Variants in TBC1D9B observed in about 807,000 individuals in gnomAD.
TBC1D9B encodes the protein TBC1 domain family member 9B, also known as TBC1 domain family, member 9B (with GRAM domain).
A neutral mutation model predicts 121.1 loss-of-function variants in TBC1D9B; 87 were observed. The ratio of observed to expected loss-of-function variants is 0.72; its 90% CI spans 0.60 to 0.86. The LOEUF (loss-of-function observed/expected upper bound fraction) is 0.86, where lower values mean the gene tolerates loss of function less well. Among genes scored for constraint, TBC1D9B ranks in the 40% least tolerant of loss-of-function variants. The pLI is 0.00. For missense variants in TBC1D9B, 1,540 were observed against 1,628.6 expected (o/e 0.95, Z 0.94); for synonymous variants, 668 against 670.1 (o/e 1.00, Z 0.05).
chr5:179,872,182 TG>T (rs1464761416), intron 14 of TBC1D9B: 1 of 155,258 alleles, frequency 6.4e-6, no homozygotes, highest in African/African-American at 2.4e-5. Context: ...AGGATGGGCG[TG>T]GGGGAGCCTC....
chr5:179,871,590 G>T, intron 14 of TBC1D9B, 60 bp from the exon 15 acceptor site: 1 of 1,568,776 alleles, frequency 6.4e-7, no homozygotes, highest in East Asian at 2.3e-5. Context: ...ACAGAAGTAC[G>T]GCACTCTGTG....
chr5:179,891,268 C>T lies in TBC1D9B; in HGVS notation c.1044+111G>A, dbSNP rs754478014. The T allele has an allele frequency of 4.9e-4, 628 of 1,278,246 alleles. 1 individual carries two copies. Among genetic ancestry groups the T allele is most frequent in the Non-Finnish European group, 6.8e-4 (618 of 902,194 alleles). 79.2% of individuals were successfully genotyped at this position (1,278,246 alleles called of 1,614,324 possible). ...CATGTGACTGCCTGGGCTAGGGCAT[C>T]CTCCCAGGTACCCCCCAGTGAGACA... is the stretch of plus-strand genomic sequence containing the variant. On this transcript the variant is annotated intron_variant, in intron 6 of 20. Coordinates refer to ENST00000355235, the MANE Select transcript of TBC1D9B (RefSeq NM_015043.4). The surrounding 1 kb of genome is among the most constrained non-coding windows in gnomAD (Gnocchi z 4.3).
intron 14 of TBC1D9B, 41 bp from the exon 15 acceptor site, chr5:179,871,571 G>A (rs1198778138): frequency 6.2e-7 from 1 of 1,600,660 alleles, no homozygotes; most frequent in South Asian, 1.1e-5. Context: ...TGGATCACAA[G>A]CTCCTGGCAC....
chr5:179,869,847 C>A lies in TBC1D9B; in HGVS notation c.2726-13G>T. Reference sequence around the variant, plus strand: ...TGGTACATCCCGCCTGTGGAGAAGGCCAGGGAGGGCTGGGTCTGGCAACAT... The same window carrying A: ...TGGTACATCCCGCCTGTGGAGAAGGACAGGGAGGGCTGGGTCTGGCAACAT... On this transcript the variant is annotated splice_polypyrimidine_tract_variant and intron_variant, in intron 16 of 20. Coordinates refer to ENST00000355235, the MANE Select transcript of TBC1D9B (RefSeq NM_015043.4). 3 of 1,537,990 alleles carry A rather than the reference C, an allele frequency of 2.0e-6. No individual in the cohort carries two copies. The highest frequency in any genetic ancestry group is 1.3e-5 in the South Asian group (1 of 77,988).
At position 179,891,460 on chromosome 5, in the gene TBC1D9B, G is replaced by A. The variant is rs1760859923; in HGVS notation, c.963C>T (p.Gly321=). The part of the protein sequence containing the change: ...WTPFNKLHIP[G]QMFISNNYIC... The stretch of plus-strand genomic sequence containing the variant: ...TGTAGTTGTTGGAGATGAACATCTG[G>A]CCAGGGATGTGCAGCTTGTTGAACG... The change falls in exon 6 of 21, where the codon GGC becomes GGT. Residue 321 remains glycine, a synonymous_variant. Coordinates refer to ENST00000355235, the MANE Select transcript of TBC1D9B (RefSeq NM_015043.4). This position sits in a 1 kb window ranked among gnomAD's most constrained non-coding sequence, Gnocchi z 4.3. 6 of 1,614,112 alleles carry A rather than the reference G, an allele frequency of 3.7e-6. No individual in the cohort carries two copies. The highest frequency in any genetic ancestry group is 5.1e-6 in the Non-Finnish European group (6 of 1,180,044).
In TBC1D9B at chr5:179,865,283, T is replaced by C. The variant is rs1298614639; in HGVS notation, c.2992A>G (p.Thr998Ala). 1.2e-6 allele frequency: 2 copies of C among 1,614,112 alleles called. No individual in the cohort carries two copies. The highest frequency in any genetic ancestry group is 1.7e-6 in the Non-Finnish European group (2 of 1,180,016). Residue 998 changes from threonine (T) to alanine (A), a missense_variant, in exon 20 of 21, where the codon ACG becomes GCG. By Grantham distance (58) the Thr-to-Ala change is moderately conservative. Transcript: ENST00000355235. This position sits in a 1 kb window ranked among gnomAD's most constrained non-coding sequence, Gnocchi z 5.1. ...WAKEKEAQKE[T>A]IKDLPKMNQE... ...TTCATCTTGGGAAGATCCTTAATCGTCTCCTTCTGAGCCTCTTTCTCCTTG... is the reference window on the plus strand; with the variant it reads ...TTCATCTTGGGAAGATCCTTAATCGCCTCCTTCTGAGCCTCTTTCTCCTTG...
intron 3 of TBC1D9B, among the ~76,000 whole-genome samples, chr5:179,897,108 T>A (rs1040142822): frequency 2.6e-5 from 4 of 151,396 alleles, no homozygotes; most frequent in African/African-American, 9.8e-5. Context: ...GGGGTTTCAC[T>A]GTGTTAGCCA....
At chr5:179,894,866 C>G (rs1032467348) in intron 3 of TBC1D9B, among the ~76,000 whole-genome samples, 7 of 152,150 alleles carry the variant, frequency 4.6e-5, no homozygotes, top group African/African-American at 1.7e-4. Context: ...TGAGCAGAGG[C>G]TTTTTAAAAA....
intron 6 of TBC1D9B, among the ~76,000 whole-genome samples, chr5:179,889,448 C>T (rs1050804528): frequency 5.4e-5 from 8 of 148,762 alleles, no homozygotes; most frequent in Non-Finnish European, 7.4e-5. Context: ...GTGGGAGAGG[C>T]GCACAGAAGG....
At chr5:179,886,322 G>A (rs1760683021) in intron 7 of TBC1D9B, among the ~76,000 whole-genome samples, 2 of 152,156 alleles carry the variant, frequency 1.3e-5, no homozygotes, top group Admixed American at 1.3e-4. Flanking sequence ...ATAGCAGCTG[G>A]CACCTAACAG....
chr5:179,876,330 C>A (rs1327221955), intron 10 of TBC1D9B, among the ~76,000 whole-genome samples: 1 of 152,180 alleles, frequency 6.6e-6, no homozygotes, highest in Non-Finnish European at 1.5e-5. Context: ...AGAGAGTCTG[C>A]CAACTCCTTC....
chr5:179,865,238 C>A lies in TBC1D9B; in HGVS notation c.3021+16G>T. The A allele has an allele frequency of 2.5e-6, 4 of 1,612,722 alleles. No individual in the cohort carries two copies. Among genetic ancestry groups the A allele is most frequent in the Non-Finnish European group, 2.5e-6 (3 of 1,178,684 alleles). On this transcript the variant is annotated intron_variant, in intron 20 of 20. Transcript: ENST00000355235. This position sits in a 1 kb window ranked among gnomAD's most constrained non-coding sequence, Gnocchi z 5.1. ...ACTCTCCAGAAATGTCTACTGTGGGCTCCAGTGGAGCCTACCTGGTTCATC... is the reference window on the plus strand; with the variant it reads ...ACTCTCCAGAAATGTCTACTGTGGGATCCAGTGGAGCCTACCTGGTTCATC...
intron 7 of TBC1D9B, among the ~76,000 whole-genome samples, chr5:179,880,651 A>G (rs916394687): frequency 1.3e-5 from 2 of 152,154 alleles, no homozygotes; most frequent in East Asian, 1.9e-4. Context: ...TACCTGTTAA[A>G]ACGTACCAAA....
At chr5:179,868,066 CTCACTT>C in intron 17 of TBC1D9B, 1 of 408,302 alleles carries the variant, frequency 2.4e-6, no homozygotes, top group Non-Finnish European at 4.3e-6. Context: ...TTAATGGACT[CTCACTT>C]TATCACCCAT....
rs1352429305 is a variant in TBC1D9B, at chr5:179,875,750, G to A, written c.1900+170C>T. On this transcript the variant is annotated intron_variant, in intron 11 of 20. Coordinates refer to ENST00000355235, the MANE Select transcript of TBC1D9B (RefSeq NM_015043.4). The surrounding 1 kb of genome is among the most constrained non-coding windows in gnomAD (Gnocchi z 4.5). ...AAGTTGACAGGAAGTTAGATGGATA[G>A]GAATTTAGGCTCTGAGGGGACTTTT... Among the ~76,000 whole-genome samples the A allele has an allele frequency of 6.6e-6, 1 of 152,240 alleles. No individual in the cohort carries two copies. The highest frequency in any genetic ancestry group is 1.5e-5 in the Non-Finnish European group (1 of 68,048).
rs1420673951 is a variant in TBC1D9B at position 179,888,091 on chromosome 5, G to C, written c.1254+12C>G. ...CCCAACTCGACCCTGCTGCTCCCAA[G>C]GGGCTTCTCACCTCTGTGCTAGGGT... On this transcript the variant is annotated intron_variant, in intron 7 of 20. Transcript: ENST00000355235. The C allele has an allele frequency of 2.5e-6, 4 of 1,613,020 alleles. No homozygotes were observed. The highest frequency in any genetic ancestry group is 3.4e-6 in the Non-Finnish European group (4 of 1,179,960).
chr5:179,879,128 A>G lies in TBC1D9B; in HGVS notation c.1486T>C (p.Tyr496His), dbSNP rs1192211010. Residue 496 changes from tyrosine (Y) to histidine (H), a missense_variant, in exon 9 of 21, where the codon TAC becomes CAC. Physicochemically the swap from Tyr to His is moderately conservative, Grantham distance 83 (BLOSUM62 2). Coordinates refer to ENST00000355235, the MANE Select transcript of TBC1D9B (RefSeq NM_015043.4). ...AGTGCCCGCGTCTTGGCTGTGCGGT[A>G]CATGCACACGCCACGCCCGTACTCG... is the stretch of plus-strand genomic sequence containing the variant. ...FFEYGRGVCM[Y>H]RTAKTRALVL... 1 of 1,607,896 alleles carries G rather than the reference A, an allele frequency of 6.2e-7. No homozygotes were observed. Among genetic ancestry groups the G allele is most frequent in the Non-Finnish European group, 8.5e-7 (1 of 1,179,864 alleles).
In TBC1D9B at chr5:179,874,792, C is replaced by T; in HGVS notation, c.2186+110G>A. The T allele has an allele frequency of 6.7e-7, 1 of 1,486,846 alleles. No homozygotes were observed. The highest frequency in any genetic ancestry group is 9.0e-7 in the Non-Finnish European group (1 of 1,113,304). The allele number at this position is 1,486,846 out of a possible 1,614,324, so 92.1% of individuals were successfully genotyped here. ...CCCAGAGCACCCCCGGGTCCAGCTG[C>T]AGCCTGGCACTTGGTGGGCACAGTC... On this transcript the variant is annotated intron_variant, in intron 12 of 20. Transcript: ENST00000355235. This position sits in a 1 kb window ranked among gnomAD's most constrained non-coding sequence, Gnocchi z 4.3.
chr5:179,894,649 C>T (rs1760970159), intron 3 of TBC1D9B, 35 bp from the exon 4 acceptor site: 1 of 1,610,556 alleles, frequency 6.2e-7, no homozygotes, highest in African/African-American at 1.3e-5. Context: ...GCTTGCCCTG[C>T]ACAGTCCCGG....
Sources: allele counts gnomAD v4.1 joint callset (sites outside exome capture counted in the v4.1 genomes callset), GRCh38; gene constraint gnomAD v4.1.1; non-coding constraint Gnocchi (gnomAD v3.1); transcripts MANE v1.5; gene names NCBI Gene and HGNC (gene_info 2026-07-23, HGNC 2026-07-21).